The following POU2F1 variants were observed in gnomAD, a reference collection of about 807,000 sequenced individuals.
POU2F1 encodes the protein POU domain, class 2, transcription factor 1.
POU2F1 carries 16 observed loss-of-function variants against 84.9 expected under a neutral mutation model. That is an observed-to-expected ratio of 0.19 (90% CI 0.13 to 0.29). The LOEUF (loss-of-function observed/expected upper bound fraction) is 0.29, where lower values mean the gene tolerates loss of function less well. POU2F1 is among the 10% of genes least tolerant of loss of function. The pLI, the probability that POU2F1 is intolerant of heterozygous loss-of-function variation, is 1.00. For missense variants in POU2F1, 738 were observed against 942.6 expected (o/e 0.78, Z 2.84); for synonymous variants, 368 against 368.3 (o/e 1.00, Z 0.01).
chr1:167,240,021 C>T (rs1157402086), intron 1 of POU2F1, among the ~76,000 whole-genome samples: 1 of 150,628 alleles, frequency 6.6e-6, no homozygotes, highest in African/African-American at 2.4e-5. Flanking sequence ...AACTCAAATG[C>T]CATAAAAGGA....
At chr1:167,376,201 G>T (rs776650807) in intron 7 of POU2F1, 46 bp downstream of exon 7, 3 of 1,587,724 alleles carry the variant, frequency 1.9e-6, no homozygotes, top group Non-Finnish European at 2.6e-6. Flanking sequence ...AAGGCTGTTC[G>T]CTGAATGTTA....
chr1:167,228,731 T>C (rs1648829761), intron 1 of POU2F1, among the ~76,000 whole-genome samples: 1 of 152,252 alleles, frequency 6.6e-6, no homozygotes, highest in South Asian at 2.1e-4. Context: ...GCATTTGTTT[T>C]GTATTTCTTG....
At chr1:167,406,467 AGT>A (rs1004893869) in intron 13 of POU2F1, among the ~76,000 whole-genome samples, 1 of 152,208 alleles carries the variant, frequency 6.6e-6, no homozygotes, top group African/African-American at 2.4e-5. Flanking sequence ...ATTAGGTAAG[AGT>A]GTTTGTTTGC....
In POU2F1 at chr1:167,421,146, A is replaced by G. The variant is rs1650626463; in HGVS notation, c.*5336A>G. The stretch of plus-strand genomic sequence containing the variant: ...TACAACATTTTGAGGATGACACTTT[A>G]TAAAATGGTAAATCTTTCTCAGCGT... On this transcript the variant is annotated 3_prime_UTR_variant, in exon 16 of 16. Transcript: ENST00000367866. The G allele has an allele frequency of 6.6e-6, 1 of 152,236 alleles. No individual in the cohort carries two copies. Among genetic ancestry groups the G allele is most frequent in the Non-Finnish European group, 1.5e-5 (1 of 68,038 alleles). The allele number at this position is 152,236 out of a possible 1,614,324, so 9.4% of individuals were successfully genotyped here.
intron 1 of POU2F1, among the ~76,000 whole-genome samples, chr1:167,305,194 T>C (rs1654980583): frequency 6.6e-6 from 1 of 151,720 alleles, no homozygotes; most frequent in Non-Finnish European, 1.5e-5. Context: ...GTAGGCAATT[T>C]TTTTTTTTTT....
intron 1 of POU2F1, among the ~76,000 whole-genome samples, chr1:167,315,537 A>T (rs1015991678): frequency 6.6e-6 from 1 of 152,200 alleles, no homozygotes; most frequent in South Asian, 2.1e-4. Flanking sequence ...GCTACTTGGG[A>T]GACAGAAGTG....
At chr1:167,401,239 C>T (rs1649184480) in intron 12 of POU2F1, among the ~76,000 whole-genome samples, 2 of 152,066 alleles carry the variant, frequency 1.3e-5, no homozygotes, top group African/African-American at 4.8e-5. Flanking sequence ...TCTGTCTCAA[C>T]GCTATTGAAA....
At chr1:167,287,027 C>G (rs1409537458) in intron 1 of POU2F1, among the ~76,000 whole-genome samples, 1 of 152,174 alleles carries the variant, frequency 6.6e-6, no homozygotes, top group East Asian at 1.9e-4. Context: ...ACTGGATCTT[C>G]TCGAGAAAAG....
chr1:167,388,425 G>C (rs1255467249), intron 8 of POU2F1, among the ~76,000 whole-genome samples: 1 of 152,058 alleles, frequency 6.6e-6, no homozygotes, highest in African/African-American at 2.4e-5. Context: ...AAGCCCTTGA[G>C]AATTTATCTC....
intron 5 of POU2F1, among the ~76,000 whole-genome samples, chr1:167,372,314 G>C (rs745562054): frequency 6.6e-5 from 10 of 152,186 alleles, no homozygotes; most frequent in Non-Finnish European, 1.5e-4. Flanking sequence ...GCTTCATCAT[G>C]CAATGGAGTA....
intron 1 of POU2F1, among the ~76,000 whole-genome samples, chr1:167,247,213 C>G (rs1053922650): frequency 2.0e-5 from 3 of 151,936 alleles, no homozygotes; most frequent in Non-Finnish European, 2.9e-5. Flanking sequence ...GTAACTGAGA[C>G]CATAGGCGTG....
At chr1:167,251,236 A>C (rs1398656074) in intron 1 of POU2F1, among the ~76,000 whole-genome samples, 1 of 123,694 alleles carries the variant, frequency 8.1e-6, no homozygotes, top group Non-Finnish European at 1.5e-5. Flanking sequence ...CCATCTCTAC[A>C]AAAAAATCCA....
chr1:167,395,598 C>T (rs957430842), intron 9 of POU2F1, among the ~76,000 whole-genome samples: 2 of 151,854 alleles, frequency 1.3e-5, no homozygotes, highest in Non-Finnish European at 1.5e-5. Context: ...TTTTATTTTT[C>T]TTTTTTAAAT....
At chr1:167,354,771 A>C (rs955304455) in intron 2 of POU2F1, among the ~76,000 whole-genome samples, 1 of 152,110 alleles carries the variant, frequency 6.6e-6, no homozygotes, top group Non-Finnish European at 1.5e-5. Context: ...TTGCATTTCC[A>C]TAGTTTCCAA....
intron 2 of POU2F1, among the ~76,000 whole-genome samples, chr1:167,354,993 A>G (rs1014234398): frequency 5.9e-5 from 9 of 151,840 alleles, no homozygotes; most frequent in African/African-American, 2.2e-4. Flanking sequence ...TAGCCCTTTG[A>G]TGAGCTTTTA....
At chr1:167,337,158 C>T (rs1325473863) in intron 2 of POU2F1, among the ~76,000 whole-genome samples, 5 of 144,952 alleles carry the variant, frequency 3.4e-5, no homozygotes, top group African/African-American at 1.3e-4. Flanking sequence ...AGCGAAACTC[C>T]ATCTCAAAAG....
chr1:167,403,341 T>A (rs1557962273), intron 13 of POU2F1, among the ~76,000 whole-genome samples: 1 of 152,234 alleles, frequency 6.6e-6, no homozygotes. Context: ...AGCAGAGGAC[T>A]CAGGCTCTGC....
chr1:167,338,455 G>A (rs979105650), intron 2 of POU2F1, among the ~76,000 whole-genome samples: 37 of 152,122 alleles, frequency 2.4e-4, no homozygotes, highest in African/African-American at 7.5e-4. Context: ...TTGTGGGGTC[G>A]ACACCCTTGA....
At chr1:167,252,640 A>T (rs1650817331) in intron 1 of POU2F1, among the ~76,000 whole-genome samples, 1 of 152,250 alleles carries the variant, frequency 6.6e-6, no homozygotes, top group South Asian at 2.1e-4. Flanking sequence ...GTTAAGGTGC[A>T]GCTTTTATTA....
Sources: gnomAD v4.1 joint callset for allele counts (sites outside exome capture counted in the v4.1 genomes callset) on GRCh38, gnomAD v4.1.1 for gene constraint, MANE v1.5 for transcripts, NCBI Gene and HGNC (gene_info 2026-07-23, HGNC 2026-07-21) for gene names.